GAS2: variants seen among roughly 807,000 people sequenced by gnomAD.
The protein encoded by GAS2 is growth arrest specific 2.
Under a neutral mutation model 37.5 loss-of-function variants are expected in GAS2, and 20 were observed. The observed-to-expected ratio is 0.53, with a 90% CI of 0.37 to 0.77. GAS2 has a LOEUF of 0.77. Among genes scored for constraint, GAS2 ranks in the 30% least tolerant of loss-of-function variants. The pLI, the probability that GAS2 is intolerant of heterozygous loss-of-function variation, is 0.00. For missense variants in GAS2, 336 were observed against 373.4 expected, an observed-to-expected ratio of 0.90 and a Z score of 0.82; for synonymous variants, 144 against 132.2, an observed-to-expected ratio of 1.09 and a Z score of -0.61.
At chr11:22,639,814 T>G (rs1858887415) in intron 1 of GAS2, among the ~76,000 whole-genome samples, 1 of 152,182 alleles carries the variant, frequency 6.6e-6, no homozygotes, top group South Asian at 2.1e-4. Flanking sequence ...TTCTGGGTCC[T>G]GAGCATTCTA....
chr11:22,689,604 A>G (rs969643805), intron 3 of GAS2, among the ~76,000 whole-genome samples: 3 of 152,202 alleles, frequency 2.0e-5, no homozygotes, highest in East Asian at 1.9e-4. Context: ...GTTAAACTCA[A>G]GATTTTTCAG....
intron 7 of GAS2, among the ~76,000 whole-genome samples, chr11:22,781,809 T>G (rs1387104913): frequency 6.6e-6 from 1 of 152,216 alleles, no homozygotes. Context: ...CCTCTAGGAC[T>G]GTCTAGATCC....
At chr11:22,730,658 G>C (rs1852425870) in intron 4 of GAS2, among the ~76,000 whole-genome samples, 1 of 151,546 alleles carries the variant, frequency 6.6e-6, no homozygotes, top group Non-Finnish European at 1.5e-5. Context: ...TTAAAAAGAT[G>C]AACTTAAGTA....
At chr11:22,684,910 T>G (rs1849865945) in intron 2 of GAS2, among the ~76,000 whole-genome samples, 1 of 152,166 alleles carries the variant, frequency 6.6e-6, no homozygotes, top group African/African-American at 2.4e-5. Context: ...TTCAATAGAA[T>G]CTAGAGATAT....
intron 4 of GAS2, among the ~76,000 whole-genome samples, chr11:22,729,256 G>A (rs1408167185): frequency 6.6e-6 from 1 of 151,792 alleles, no homozygotes; most frequent in East Asian, 1.9e-4. Context: ...CCTTATCCTT[G>A]TGGCAACTGA....
intron 4 of GAS2, chr11:22,731,417 C>T (rs1852469928): frequency 2.5e-6 from 1 of 404,242 alleles, no homozygotes; most frequent in Admixed American, 3.1e-5. Flanking sequence ...TGCGGTGTAG[C>T]ATGCAAATGT....
chr11:22,654,223 G>A (rs1349180271), intron 1 of GAS2, among the ~76,000 whole-genome samples: 1 of 152,172 alleles, frequency 6.6e-6, no homozygotes, highest in African/African-American at 2.4e-5. Context: ...GGAGCATTAG[G>A]TGATGCTTGA....
At chr11:22,690,407 C>T (rs1015402065) in intron 3 of GAS2, among the ~76,000 whole-genome samples, 10 of 152,048 alleles carry the variant, frequency 6.6e-5, no homozygotes, top group African/African-American at 1.4e-4. Flanking sequence ...AGCTTCTTTA[C>T]GTGTGTGAGC....
chr11:22,749,322 T>G, intron 6 of GAS2, 61 bp downstream of exon 6: 1 of 1,444,434 alleles, frequency 6.9e-7, no homozygotes, highest in Non-Finnish European at 9.6e-7. Flanking sequence ...ACAAAACATA[T>G]TCTGTGCAAT....
Position 22,628,999 on chromosome 11 carries a change from A to ATG in GAS2, c.-21+3202_-21+3203dup, listed in dbSNP as rs58455319. Among the ~76,000 whole-genome samples the ATG allele has an allele frequency of 3.8e-3, 573 of 151,582 alleles. 15 individuals carry two copies. In the East Asian group the frequency reaches 0.077, roughly 20 times the overall value. On this transcript the variant is annotated intron_variant, in intron 1 of 5. Coordinates refer to the GAS2 transcript ENST00000528582. The stretch of plus-strand genomic sequence containing the variant: ...TTATGGCTGAGTAGTATTCCATGGT[A>ATG]TGTGTGTGTGTGTGTGTATGTATGT...
In GAS2 at chr11:22,784,325, A is replaced by C. The variant is rs1855721859; in HGVS notation, c.724-27473A>C. Reference sequence around the variant, plus strand: ...TATCATTTAAGGGTTCTGTGTCTTCAACTATGAGAAGGAAAGCTTTGGATT... The same window carrying C: ...TATCATTTAAGGGTTCTGTGTCTTCCACTATGAGAAGGAAAGCTTTGGATT... On this transcript the variant is annotated intron_variant, in intron 7 of 7. Coordinates refer to ENST00000454584, the MANE Select transcript of GAS2 (RefSeq NM_001143830.3). 2.0e-5 allele frequency among the ~76,000 whole-genome samples: 3 copies of C among 152,138 alleles called. No homozygotes were observed. The South Asian group carries it at 6.2e-4, about 31-fold the overall frequency.
intron 7 of GAS2, among the ~76,000 whole-genome samples, chr11:22,782,618 G>A (rs193146715): frequency 2.0e-4 from 30 of 151,354 alleles, no homozygotes; most frequent in Non-Finnish European, 5.9e-5. Flanking sequence ...ATGTCCACAT[G>A]TACCCAGAAT....
intron 7 of GAS2, among the ~76,000 whole-genome samples, chr11:22,764,167 CTTTT>C (rs1165519817): frequency 6.6e-6 from 1 of 151,742 alleles, no homozygotes; most frequent in Non-Finnish European, 1.5e-5. Context: ...GAGAGTTATC[CTTTT>C]TTTAAGATTT....
At chr11:22,676,772 T>TTA (rs1849446744) in intron 2 of GAS2, among the ~76,000 whole-genome samples, 1 of 151,566 alleles carries the variant, frequency 6.6e-6, no homozygotes, top group Non-Finnish European at 1.5e-5. Flanking sequence ...TAAGCATTGG[T>TTA]AAAAAAAAGT....
rs143536864 is a variant in GAS2 at position 22,786,594 on chromosome 11, G to A, written c.724-25204G>A. 5.3e-3 allele frequency among the ~76,000 whole-genome samples: 810 copies of A among 152,072 alleles called. 8 individuals are homozygous for A. The highest frequency in any genetic ancestry group is 0.027 in the Middle Eastern group (8 of 294). ...TTTGCTGAATTTCTAGAAGATAATC[G>A]GCAATGTAGTACAGAAATGATTGTA... is the stretch of plus-strand genomic sequence containing the variant. On this transcript the variant is annotated intron_variant, in intron 7 of 7. Transcript: ENST00000454584.
At chr11:22,722,085 G>T (rs1283603575) in intron 3 of GAS2, among the ~76,000 whole-genome samples, 2 of 151,920 alleles carry the variant, frequency 1.3e-5, no homozygotes, top group African/African-American at 4.8e-5. Flanking sequence ...AAATATAGCT[G>T]AATTTGAACT....
In GAS2 at chr11:22,635,307, C is replaced by A. The variant is rs143889969; in HGVS notation, c.-21+9494C>A. On this transcript the variant is annotated intron_variant, in intron 1 of 5. Transcript: ENST00000528582. ...AGCAGCTCTAGTGGAGATCAAAGGG[C>A]AGTTCTGTGGCTTCTGAGGGAACAT... Among the ~76,000 whole-genome samples the A allele has an allele frequency of 7.9e-5, 12 of 152,300 alleles. No individual in the cohort carries two copies. In the East Asian group the frequency reaches 2.3e-3, roughly 29 times the overall value.
At chr11:22,644,330 GTGAT>G (rs1180565967) in intron 1 of GAS2, among the ~76,000 whole-genome samples, 2 of 151,990 alleles carry the variant, frequency 1.3e-5, no homozygotes, top group Non-Finnish European at 2.9e-5. Context: ...AGCCAAATAA[GTGAT>G]TTTTTTTCAT....
intron 3 of GAS2, among the ~76,000 whole-genome samples, chr11:22,704,466 C>A (rs926009137): frequency 2.3e-4 from 34 of 149,960 alleles, no homozygotes; most frequent in African/African-American, 7.8e-4. Flanking sequence ...ATACCAGGAT[C>A]GATTGTAATA....
Sources: allele counts gnomAD v4.1 joint callset (sites outside exome capture counted in the v4.1 genomes callset), GRCh38; gene constraint gnomAD v4.1.1; transcripts MANE v1.5; gene names NCBI Gene and HGNC (gene_info 2026-07-23, HGNC 2026-07-21).